The following TRIM33 variants were observed in gnomAD, a reference collection of about 807,000 sequenced individuals.
TRIM33 encodes E3 ubiquitin-protein ligase TRIM33.
Under a neutral mutation model 125.4 loss-of-function variants are expected in TRIM33, and 20 were observed. That is an observed-to-expected ratio of 0.16 (90% confidence interval 0.11 to 0.23). The LOEUF (loss-of-function observed/expected upper bound fraction) is 0.23, where lower values mean the gene tolerates loss of function less well. Among genes scored for constraint, TRIM33 ranks in the 10% least tolerant of loss-of-function variants. The pLI is 1.00. For missense variants in TRIM33, 920 were observed against 1,411.4 expected, an observed-to-expected ratio of 0.65 and a Z score of 5.58; for synonymous variants, 564 against 513.9, an observed-to-expected ratio of 1.10 and a Z score of -1.32.
chr1:114,465,486 G>C (rs1650234119), intron 1 of TRIM33, among the ~76,000 whole-genome samples: 1 of 152,176 alleles, frequency 6.6e-6, no homozygotes, highest in South Asian at 2.1e-4. Context: ...TAGTCATTCT[G>C]ATGGAAAATG....
Position 114,421,419 on chromosome 1 carries a change from T to C in TRIM33, c.2061+17A>G. ...AACATTAAGTTTAATGAAGCCTCAT[T>C]CAACTCAAATACAAACCTGTATGGG... On this transcript the variant is annotated intron_variant, in intron 11 of 19. Coordinates refer to ENST00000358465, the MANE Select transcript of TRIM33 (RefSeq NM_015906.4). The C allele has an allele frequency of 6.2e-7, 1 of 1,607,904 alleles. No homozygotes were observed. The highest frequency in any genetic ancestry group is 1.1e-5 in the South Asian group (1 of 90,944).
intron 1 of TRIM33, chr1:114,468,788 A>C (rs1650462771): frequency 2.7e-6 from 1 of 369,396 alleles, no homozygotes; most frequent in South Asian, 2.3e-5. Flanking sequence ...ACAGTATCTC[A>C]TTCAATAATC....
At position 114,396,823 on chromosome 1, in the gene TRIM33, G is replaced by C. The variant is rs1355095423; in HGVS notation, c.*825C>G. The C allele has an allele frequency of 4.8e-6, 1 of 209,348 alleles. No homozygotes were observed. The highest frequency in any genetic ancestry group is 2.3e-5 in the African/African-American group (1 of 44,086). 13.0% of individuals were successfully genotyped at this position (209,348 alleles called of 1,614,324 possible). ...TCAAATTTAAATGTACAGAAAACTA[G>C]ATTAATTTTGAAACAAACATTCTGC... On this transcript the variant is annotated 3_prime_UTR_variant, in exon 20 of 20. Coordinates refer to ENST00000358465, the MANE Select transcript of TRIM33 (RefSeq NM_015906.4).
intron 1 of TRIM33, among the ~76,000 whole-genome samples, chr1:114,464,785 G>A (rs185937161): frequency 4.0e-4 from 61 of 152,316 alleles, no homozygotes; most frequent in Non-Finnish European, 7.8e-4. Flanking sequence ...TCAGGGGGAG[G>A]AAGAGGAAGG....
intron 18 of TRIM33, among the ~76,000 whole-genome samples, chr1:114,398,454 AAAT>A (rs1340126167): frequency 6.6e-6 from 1 of 152,202 alleles, no homozygotes; most frequent in African/African-American, 2.4e-5. Context: ...ATTTATTTGA[AAAT>A]AATTTAACTG....
intron 1 of TRIM33, among the ~76,000 whole-genome samples, chr1:114,476,220 G>GA (rs58538418): frequency 8.7e-4 from 120 of 138,228 alleles, no homozygotes; most frequent in East Asian, 3.5e-3. Context: ...AAACAAATAA[G>GA]AAAAAAAAAA....
intron 5 of TRIM33, among the ~76,000 whole-genome samples, chr1:114,433,405 A>C (rs1195547595): frequency 6.6e-6 from 1 of 152,212 alleles, no homozygotes; most frequent in Non-Finnish European, 1.5e-5. Flanking sequence ...AGTCTTATTA[A>C]AATAGACAAA....
intron 1 of TRIM33, among the ~76,000 whole-genome samples, chr1:114,493,534 C>T (rs1652194802): frequency 6.6e-6 from 1 of 152,170 alleles, no homozygotes; most frequent in Admixed American, 6.5e-5. Context: ...ATGCTCCCAC[C>T]TCAGCCTACC....
intron 4 of TRIM33, among the ~76,000 whole-genome samples, chr1:114,462,310 G>A (rs902816583): frequency 1.3e-5 from 2 of 152,080 alleles, no homozygotes; most frequent in Non-Finnish European, 2.9e-5. Flanking sequence ...GAATTCTAAT[G>A]AATTAAAAAC....
chr1:114,493,483 C>A (rs1397875784), intron 1 of TRIM33, among the ~76,000 whole-genome samples: 1 of 152,174 alleles, frequency 6.6e-6, no homozygotes, highest in African/African-American at 2.4e-5. Flanking sequence ...CAGGATCTCA[C>A]TATGTTGCCC....
At chr1:114,470,202 AT>A (rs1458594609) in intron 1 of TRIM33, among the ~76,000 whole-genome samples, 1 of 152,192 alleles carries the variant, frequency 6.6e-6, no homozygotes, top group African/African-American at 2.4e-5. Flanking sequence ...ATTTAGCTTT[AT>A]ACTGCTTCAC....
chr1:114,439,471 A>C (rs1476170518), intron 4 of TRIM33, among the ~76,000 whole-genome samples: 1 of 79,996 alleles, frequency 1.3e-5, no homozygotes, highest in Non-Finnish European at 2.7e-5. Flanking sequence ...TCTGTATCAA[A>C]AAAAAAAAAA....
rs3077592 is a variant in TRIM33, at chr1:114,414,027, G to GCACACACACACACACA, written c.2062-3727_2062-3712dup. Among the ~76,000 whole-genome samples, 126 of 130,680 alleles carry GCACACACACACACACA rather than the reference G, an allele frequency of 9.6e-4. 1 individual carries two copies. The highest frequency in any genetic ancestry group is 1.8e-3 in the African/African-American group (59 of 33,640). The allele number at this position is 130,680 out of a possible 152,430, so 85.7% of individuals were successfully genotyped here. A position where few individuals can be genotyped will look rare whatever the true frequency, so the allele number is the denominator to read the frequency against. The stretch of plus-strand genomic sequence containing the variant: ...CAAAATAAACCAAAATAAATCACAG[G>GCACACACACACACACA]CACACACACACACACACACACACAC... On this transcript the variant is annotated intron_variant, in intron 11 of 19. Coordinates refer to ENST00000358465, the MANE Select transcript of TRIM33 (RefSeq NM_015906.4).
In TRIM33 at chr1:114,395,062, A is replaced by G. The variant is rs1051338050; in HGVS notation, c.*2586T>C. On this transcript the variant is annotated 3_prime_UTR_variant, in exon 20 of 20. Transcript: ENST00000358465. ...TTTTAAAACATAAACTAATAGGAAA[A>G]CATATATCTAAATATCAATTTAAGT... 2 of 192,098 alleles carry G rather than the reference A, an allele frequency of 1.0e-5. No individual in the cohort carries two copies. The highest frequency in any genetic ancestry group is 3.7e-3 in the Middle Eastern group (2 of 536). The allele number at this position is 192,098 out of a possible 1,614,324, so 11.9% of individuals were successfully genotyped here. A position where few individuals can be genotyped will look rare whatever the true frequency, so the allele number is the denominator to read the frequency against.
At chr1:114,477,133 G>C (rs1038030113) in intron 1 of TRIM33, among the ~76,000 whole-genome samples, 2 of 151,914 alleles carry the variant, frequency 1.3e-5, no homozygotes, top group African/African-American at 4.8e-5. Context: ...AAGAATTCAA[G>C]GATTATTCAA....
At chr1:114,478,215 TAA>T (rs143715484) in intron 1 of TRIM33, among the ~76,000 whole-genome samples, 9,923 of 152,286 alleles carry the variant, frequency 0.065, 417 homozygotes, top group Middle Eastern at 0.13. Context: ...CATTTAGTCC[TAA>T]AGTCTGGTCT....
intron 1 of TRIM33, among the ~76,000 whole-genome samples, chr1:114,475,407 C>T (rs977333874): frequency 3.3e-5 from 5 of 152,152 alleles, no homozygotes; most frequent in South Asian, 2.1e-4. Flanking sequence ...TTAGGCTAGG[C>T]GCGGTGGCCC....
Position 114,395,530 on chromosome 1 carries a change from A to C in TRIM33, c.*2118T>G, listed in dbSNP as rs1352790053. 5 of 202,228 alleles carry C rather than the reference A, an allele frequency of 2.5e-5. No individual in the cohort carries two copies. In the Admixed American group the frequency reaches 3.0e-4, roughly 12 times the overall value. 12.5% of individuals were successfully genotyped at this position (202,228 alleles called of 1,614,324 possible). On this transcript the variant is annotated 3_prime_UTR_variant, in exon 20 of 20. Transcript: ENST00000358465. ...ATATTAGAACTCAAAGGCCTGACAA[A>C]ATGAAGTTATACTGCTGCTATTCCT...
chr1:114,489,072 T>C lies in TRIM33; in HGVS notation c.526+21479A>G, dbSNP rs150318817. Among the ~76,000 whole-genome samples the C allele has an allele frequency of 2.4e-3, 368 of 152,208 alleles. 4 individuals are homozygous for C. Among genetic ancestry groups the C allele is most frequent in the African/African-American group, 8.3e-3 (345 of 41,530 alleles). Reference sequence around the variant, plus strand: ...TTTTGTTGTTGTTTAATTTTGTTATTGGCATAAAGACAGACATACAGATCA... The same window carrying C: ...TTTTGTTGTTGTTTAATTTTGTTATCGGCATAAAGACAGACATACAGATCA... On this transcript the variant is annotated intron_variant, in intron 1 of 19. Coordinates refer to ENST00000358465, the MANE Select transcript of TRIM33 (RefSeq NM_015906.4).
Sources: gnomAD v4.1 joint callset for allele counts (sites outside exome capture counted in the v4.1 genomes callset) on GRCh38, gnomAD v4.1.1 for gene constraint, MANE v1.5 for transcripts, NCBI Gene and HGNC (gene_info 2026-07-23, HGNC 2026-07-21) for gene names.